The following DCHS2 variants were observed in gnomAD, a reference collection of about 807,000 sequenced individuals.
DCHS2 encodes the protein dachsous cadherin-related 2.
DCHS2 carries 142 observed loss-of-function variants against 182.4 expected under a neutral mutation model. The ratio of observed to expected loss-of-function variants is 0.78; its 90% confidence interval spans 0.68 to 0.89. The LOEUF is 0.89. DCHS2 is among the 40% of genes least tolerant of loss of function. The pLI is 0.00. For missense variants in DCHS2, 4,319 were observed against 4,198.6 expected, an observed-to-expected ratio of 1.03 and a Z score of -0.79; for synonymous variants, 1,740 against 1,663.3, an observed-to-expected ratio of 1.05 and a Z score of -1.12.
At chr4:154,440,119 C>T (rs942399444) in intron 1 of DCHS2, among the ~76,000 whole-genome samples, 2 of 152,152 alleles carry the variant, frequency 1.3e-5, no homozygotes, top group South Asian at 4.1e-4. Flanking sequence ...TCACAGAATG[C>T]TCCGTGCCAA....
chr4:154,379,683 T>C (rs1334177756), intron 1 of DCHS2, among the ~76,000 whole-genome samples: 6 of 152,184 alleles, frequency 3.9e-5, no homozygotes, highest in African/African-American at 1.2e-4. Flanking sequence ...CTCATTTAAC[T>C]CTGGACTGAA....
chr4:154,472,373 A>T (rs1444846154), intron 1 of DCHS2, among the ~76,000 whole-genome samples: 1 of 152,244 alleles, frequency 6.6e-6, no homozygotes, highest in East Asian at 1.9e-4. Context: ...TCATATTCTT[A>T]AAGACAACTG....
chr4:154,464,791 A>G (rs961751569), intron 1 of DCHS2, among the ~76,000 whole-genome samples: 2 of 152,156 alleles, frequency 1.3e-5, no homozygotes, highest in African/African-American at 4.8e-5. Flanking sequence ...GGGCCTACAA[A>G]GGGTTGGGGA....
chr4:154,300,510 C>A (rs76855357), intron 12 of DCHS2, among the ~76,000 whole-genome samples: 1,179 of 107,608 alleles, frequency 0.011, no homozygotes, highest in Non-Finnish European at 0.014. Flanking sequence ...CTCATCTCTA[C>A]AAAAAAAAAA....
chr4:154,422,829 G>A (rs993313833), intron 1 of DCHS2, among the ~76,000 whole-genome samples: 3 of 151,958 alleles, frequency 2.0e-5, no homozygotes, highest in African/African-American at 7.3e-5. Context: ...GGAATTCTCT[G>A]TGGCCCCACT....
intron 1 of DCHS2, among the ~76,000 whole-genome samples, chr4:154,429,534 G>A (rs1001110301): frequency 7.2e-5 from 11 of 152,250 alleles, no homozygotes; most frequent in East Asian, 3.9e-4. Flanking sequence ...AGGAGGCAGC[G>A]TAGAACTCAG....
intron 7 of DCHS2, chr4:154,323,366 G>A: frequency 6.5e-7 from 1 of 1,537,734 alleles, no homozygotes; most frequent in Non-Finnish European, 8.8e-7. Context: ...GTCTCTTTCT[G>A]TTACCCAGGC....
intron 3 of DCHS2, among the ~76,000 whole-genome samples, chr4:154,345,327 T>C (rs1729308672): frequency 6.6e-6 from 1 of 152,252 alleles, no homozygotes; most frequent in South Asian, 2.1e-4. Context: ...CAGCTGTCTA[T>C]ACTAAATTAT....
Position 154,331,069 on chromosome 4 carries a change from A to T in DCHS2, c.3731-1359T>A, listed in dbSNP as rs145024941. ...CTTGTAGGACTGTCCAGAGAACTGG[A>T]TGAAAAGGGGGTGTGTCTCCCAGGC... is the stretch of plus-strand genomic sequence containing the variant. On this transcript the variant is annotated intron_variant, in intron 5 of 19. Transcript: ENST00000357232. Among the ~76,000 whole-genome samples, 156 of 152,258 alleles carry T rather than the reference A, an allele frequency of 1.0e-3. 1 individual carries two copies. In the Middle Eastern group the frequency reaches 0.014, roughly 13 times the overall value.
chr4:154,242,616 C>A, intron 17 of DCHS2, 26 bp downstream of exon 17: 1 of 1,603,398 alleles, frequency 6.2e-7, no homozygotes. Flanking sequence ...TTAATCAAAA[C>A]CACTATGCCA....
At chr4:154,325,316 CGTGTGTGTGTGTGTGT>C (rs75589397) in intron 7 of DCHS2, among the ~76,000 whole-genome samples, 36,000 of 142,640 alleles carry the variant, frequency 0.25, 5,026 homozygotes, top group South Asian at 0.38. Context: ...GGATTATAGC[CGTGTGTGTGTGTGTGT>C]GTGTGTGTGT....
intron 1 of DCHS2, among the ~76,000 whole-genome samples, chr4:154,388,947 C>T (rs1304391889): frequency 6.6e-6 from 1 of 152,026 alleles, no homozygotes; most frequent in South Asian, 2.1e-4. Flanking sequence ...TCTTGAAGAC[C>T]CACTACAGCA....
chr4:154,438,082 C>T (rs1733856746), intron 1 of DCHS2, among the ~76,000 whole-genome samples: 1 of 152,174 alleles, frequency 6.6e-6, no homozygotes, highest in Non-Finnish European at 1.5e-5. Flanking sequence ...TCCTCACTGT[C>T]AGTCACCCTC....
At chr4:154,378,499 G>GGAAGGAAGGAAGGAAGGAAGGAAGGAA (rs1731017691) in intron 1 of DCHS2, among the ~76,000 whole-genome samples, 1 of 56,312 alleles carries the variant, frequency 1.8e-5, no homozygotes, top group African/African-American at 6.7e-5. Context: ...GAGGGAGGGT[G>GGAAGGAAGGAAGGAAGGAAGGAAGGAA]GGAAGGAAGG....
intron 3 of DCHS2, among the ~76,000 whole-genome samples, chr4:154,363,832 T>G (rs1041711303): frequency 3.9e-5 from 6 of 152,162 alleles, no homozygotes; most frequent in Middle Eastern, 3.2e-3. Flanking sequence ...CAATGTGTTT[T>G]CAGTTGCTGT....
chr4:154,270,087 T>G (rs1733513848), intron 13 of DCHS2, 74 bp from the exon 14 acceptor site: 2 of 1,481,186 alleles, frequency 1.4e-6, no homozygotes, highest in African/African-American at 2.8e-5. Context: ...AAAATACTGA[T>G]TATTTATTAT....
rs1328515463 is a variant in DCHS2 at position 154,491,170 on chromosome 4, G to A, written c.186C>T (p.Ser62=). The part of the protein sequence containing the change: ...VHVWLWAASG[S]SAQLFNLTLS... ...GGGTGAGGTTGAACAACTGGGCAGA[G>A]GAGCCCGAGGCCGCCCACAGCCACA... Residue 62 remains serine, a synonymous_variant, in exon 1 of 20, where the codon TCC becomes TCT. Transcript: ENST00000357232. The A allele has an allele frequency of 6.4e-7, 1 of 1,551,358 alleles. No individual in the cohort carries two copies. Among genetic ancestry groups the A allele is most frequent in the Non-Finnish European group, 8.7e-7 (1 of 1,146,888 alleles).
At chr4:154,291,843 G>T (rs984565647) in intron 13 of DCHS2, among the ~76,000 whole-genome samples, 1 of 152,098 alleles carries the variant, frequency 6.6e-6, no homozygotes, top group African/African-American at 2.4e-5. Context: ...TGGTGAATGG[G>T]TACAAAAATA....
chr4:154,333,671 T>G (rs1441197211), intron 4 of DCHS2, 177 bp from the exon 5 acceptor site: 1 of 665,528 alleles, frequency 1.5e-6, no homozygotes, highest in African/African-American at 1.8e-5. Context: ...GTACCTTTTC[T>G]GTGCTCACAT....
Sources: allele counts gnomAD v4.1 joint callset (sites outside exome capture counted in the v4.1 genomes callset), GRCh38; gene constraint gnomAD v4.1.1; transcripts MANE v1.5; gene names NCBI Gene and HGNC (gene_info 2026-07-23, HGNC 2026-07-21).